GRIP1: variants seen among roughly 807,000 people sequenced by gnomAD.
The protein encoded by GRIP1 is glutamate receptor interacting protein 1.
GRIP1 carries 45 observed loss-of-function variants against 129.9 expected under a neutral mutation model. The observed-to-expected ratio is 0.35, with a 90% confidence interval of 0.27 to 0.44. GRIP1 has a LOEUF of 0.44. Among genes scored for constraint, GRIP1 ranks in the 20% least tolerant of loss-of-function variants. The pLI is 1.00. For synonymous variants in GRIP1, 530 were observed against 520.8 expected (o/e 1.02, Z -0.24); for missense variants, 1,196 against 1,396.8 (o/e 0.86, Z 2.29).
intron 1 of GRIP1, among the ~76,000 whole-genome samples, chr12:66,820,382 G>A (rs957140093): frequency 6.6e-6 from 1 of 152,208 alleles, no homozygotes; most frequent in Admixed American, 6.5e-5. Flanking sequence ...GGAGCAGCAG[G>A]AACTCTCATT....
intron 14 of GRIP1, among the ~76,000 whole-genome samples, chr12:66,421,623 C>A (rs1051659877): frequency 5.3e-5 from 8 of 150,004 alleles, no homozygotes; most frequent in Admixed American, 1.3e-4. Context: ...TCTTTAAATT[C>A]TGCTCACAAA....
At chr12:66,928,656 T>C (rs2041335747) in intron 1 of GRIP1, among the ~76,000 whole-genome samples, 1 of 152,238 alleles carries the variant, frequency 6.6e-6, no homozygotes, top group African/African-American at 2.4e-5. Context: ...AGTTTTCCAC[T>C]GAAATTCATG....
intron 1 of GRIP1, among the ~76,000 whole-genome samples, chr12:67,010,075 T>A (rs77412232): frequency 6.6e-6 from 1 of 152,180 alleles, no homozygotes; most frequent in South Asian, 2.1e-4. Context: ...AAGATTTCTA[T>A]AGGTATACCA....
chr12:66,895,992 A>G (rs1337516314), intron 1 of GRIP1, among the ~76,000 whole-genome samples: 1 of 152,224 alleles, frequency 6.6e-6, no homozygotes, highest in Non-Finnish European at 1.5e-5. Context: ...GTAAAGAATC[A>G]ATGGTCATTT....
intron 1 of GRIP1, among the ~76,000 whole-genome samples, chr12:66,688,678 C>T (rs1435788403): frequency 6.6e-6 from 1 of 151,582 alleles, no homozygotes; most frequent in Non-Finnish European, 1.5e-5. Context: ...AAAAACAGTG[C>T]CTATTATTTT....
intron 1 of GRIP1, among the ~76,000 whole-genome samples, chr12:66,613,206 C>A (rs117288224): frequency 0.016 from 2,380 of 152,284 alleles, 26 homozygotes; most frequent in Non-Finnish European, 0.024. Context: ...ACGAGGATAT[C>A]ATTTATTAAA....
intron 1 of GRIP1, among the ~76,000 whole-genome samples, chr12:66,994,534 C>T (rs1378637737): frequency 6.0e-5 from 9 of 151,024 alleles, no homozygotes; most frequent in African/African-American, 1.7e-4. Context: ...TAACATCATA[C>T]GTGATGAAAG....
At chr12:66,606,471 A>T in intron 1 of GRIP1, among the ~76,000 whole-genome samples, 1 of 152,168 alleles carries the variant, frequency 6.6e-6, no homozygotes, top group East Asian at 1.9e-4. Flanking sequence ...TACTTCAGTC[A>T]ACCAGAAGCC....
chr12:66,681,787 A>G (rs1255394408), upstream of GRIP1, among the ~76,000 whole-genome samples: 3 of 152,196 alleles, frequency 2.0e-5, no homozygotes, highest in Non-Finnish European at 4.4e-5. Flanking sequence ...AAACACCTCA[A>G]TACATGAAAA....
At chr12:66,417,375 C>G (rs555029689) in intron 15 of GRIP1, among the ~76,000 whole-genome samples, 22 of 152,272 alleles carry the variant, frequency 1.4e-4, no homozygotes, top group African/African-American at 5.3e-4. Flanking sequence ...CCTCTAAGAT[C>G]TGGTACACAA....
chr12:66,982,583 A>G (rs1401928367), intron 1 of GRIP1, among the ~76,000 whole-genome samples: 1 of 152,178 alleles, frequency 6.6e-6, no homozygotes. Flanking sequence ...CATGGTAAGA[A>G]ATGGGGAACT....
At chr12:66,923,782 G>GTAATTGTT (rs1010001732) in intron 1 of GRIP1, among the ~76,000 whole-genome samples, 1 of 152,134 alleles carries the variant, frequency 6.6e-6, no homozygotes, top group Non-Finnish European at 1.5e-5. Context: ...TAAAATGGGA[G>GTAATTGTT]TAATTGTTGT....
chr12:66,950,993 G>A (rs2041748028), intron 1 of GRIP1, among the ~76,000 whole-genome samples: 1 of 152,136 alleles, frequency 6.6e-6, no homozygotes, highest in African/African-American at 2.4e-5. Flanking sequence ...TTTTCATTTA[G>A]TCATGTGACC....
At chr12:66,614,838 C>T (rs1201271793) in intron 1 of GRIP1, among the ~76,000 whole-genome samples, 1 of 152,122 alleles carries the variant, frequency 6.6e-6, no homozygotes, top group Non-Finnish European at 1.5e-5. Context: ...TCATTCTCAC[C>T]TTAGAACTTT....
intron 2 of GRIP1, among the ~76,000 whole-genome samples, chr12:66,582,648 C>T (rs2063441029): frequency 2.9e-5 from 4 of 138,920 alleles, no homozygotes; most frequent in African/African-American, 5.3e-5. Flanking sequence ...AGTGAACTCC[C>T]ATTCACAATT....
At chr12:66,908,120 C>CAA (rs1409788966) in intron 1 of GRIP1, among the ~76,000 whole-genome samples, 1 of 152,156 alleles carries the variant, frequency 6.6e-6, no homozygotes, top group African/African-American at 2.4e-5. Context: ...TGAATTACAT[C>CAA]AAATGGAAGA....
intron 1 of GRIP1, among the ~76,000 whole-genome samples, chr12:66,810,333 G>A (rs2039079041): frequency 6.6e-6 from 1 of 152,116 alleles, no homozygotes; most frequent in Non-Finnish European, 1.5e-5. Flanking sequence ...CAAGGCGGGT[G>A]GATCACCTGA....
chr12:66,804,261 A>C, upstream of GRIP1: 6 of 381,826 alleles, frequency 1.6e-5, no homozygotes, highest in South Asian at 1.2e-4. Context: ...GAGCCGGTGG[A>C]GCATGAATGA....
At chr12:66,739,295 G>C (rs1258412428) in intron 1 of GRIP1, among the ~76,000 whole-genome samples, 5 of 152,078 alleles carry the variant, frequency 3.3e-5, no homozygotes, top group African/African-American at 1.2e-4. Flanking sequence ...TTTTACAGAA[G>C]AAAAGACTGA....
Sources: gnomAD v4.1 joint callset for allele counts (sites outside exome capture counted in the v4.1 genomes callset) on GRCh38, gnomAD v4.1.1 for gene constraint, MANE v1.5 for transcripts, NCBI Gene and HGNC (gene_info 2026-07-23, HGNC 2026-07-21) for gene names.